Variants in NRG2 observed in about 807,000 individuals in gnomAD.
The protein encoded by NRG2 is neuregulin 2.
A neutral mutation model predicts 73.9 loss-of-function variants in NRG2; 27 were observed. That is an observed-to-expected ratio of 0.37 (90% CI 0.27 to 0.50). NRG2 has a LOEUF of 0.50. Ranked by LOEUF, NRG2 falls within the 20% of genes least tolerant of loss-of-function variation. NRG2 has a pLI of 0.96. For missense variants in NRG2, 1,126 were observed against 1,210.1 expected (o/e 0.93, Z 1.03); for synonymous variants, 532 against 541.0 (o/e 0.98, Z 0.23).
Position 139,848,402 on chromosome 5 carries a change from T to G in NRG2, c.2068A>C (p.Thr690Pro). The change falls in exon 10 of 10, where the codon ACC becomes CCC. Residue 690 changes from threonine to proline, a missense_variant. Thr to Pro is a conservative substitution (Grantham distance 38). Transcript: ENST00000361474. ...PAAGPGPRRGTCALGGSLGSL... is the reference protein window; with the variant it reads ...PAAGPGPRRGPCALGGSLGSL... Reference sequence around the variant, plus strand: ...CCCAGGCTGCCGCCGAGCGCGCAGGTCCCGCGCCGCGGTCCGGGCCCCGCC... The same window carrying G: ...CCCAGGCTGCCGCCGAGCGCGCAGGGCCCGCGCCGCGGTCCGGGCCCCGCC... 1.6e-6 allele frequency: 2 copies of G among 1,265,030 alleles called. No homozygotes were observed. The highest frequency in any genetic ancestry group is 2.0e-6 in the Non-Finnish European group (2 of 1,013,302). 78.4% of individuals were successfully genotyped at this position (1,265,030 alleles called of 1,614,324 possible).
Position 140,014,830 on chromosome 5 carries a change from G to C in NRG2, c.700+27540C>G, listed in dbSNP as rs79522756. ...ACTCCTCTGCTCAAACCCTCCAGCA[G>C]ATCCTTTTTACACTGAAATAAAAGG... On this transcript the variant is annotated intron_variant, in intron 1 of 9. Transcript: ENST00000361474. Among the ~76,000 whole-genome samples, 321 of 152,282 alleles carry C rather than the reference G, an allele frequency of 2.1e-3. 3 individuals carry two copies. Among genetic ancestry groups the C allele is most frequent in the Middle Eastern group, 0.01 (3 of 294 alleles).
At position 140,042,492 on chromosome 5, in the gene NRG2, C is replaced by T; in HGVS notation, c.578G>A (p.Arg193His). The change falls in exon 1 of 10, where the codon CGC becomes CAC. Residue 193 changes from arginine to histidine, a missense_variant. This residue lies in a region of NRG2 where 539 missense variants were observed against 703.2 expected (regional missense o/e 0.77). Coordinates refer to ENST00000361474, the MANE Select transcript of NRG2 (RefSeq NM_004883.3). ...GSCVPLERNQ[R>H]YIFFLEPTEQ... Reference sequence around the variant, plus strand: ...CGTGGGCTCCAGGAAAAAGATGTAGCGCTGGTTCCTTTCGAGCGGCACACA... The same window carrying T: ...CGTGGGCTCCAGGAAAAAGATGTAGTGCTGGTTCCTTTCGAGCGGCACACA... 1.2e-6 allele frequency: 2 copies of T among 1,613,792 alleles called. No homozygotes were observed. The highest frequency in any genetic ancestry group is 1.7e-6 in the Non-Finnish European group (2 of 1,179,928).
At chr5:139,943,007 GT>G (rs1753516746) in intron 1 of NRG2, among the ~76,000 whole-genome samples, 1 of 152,070 alleles carries the variant, frequency 6.6e-6, no homozygotes, top group Non-Finnish European at 1.5e-5. Flanking sequence ...CGCCTGGCTA[GT>G]TTTTGTATTT....
intron 1 of NRG2, among the ~76,000 whole-genome samples, chr5:139,924,757 G>A (rs912952135): frequency 6.6e-6 from 1 of 152,192 alleles, no homozygotes; most frequent in African/African-American, 2.4e-5. Flanking sequence ...TTCCTGGGCT[G>A]ATGGGGCTTG....
At position 139,853,841 on chromosome 5, in the gene NRG2, A is replaced by C. The variant is rs540254558; in HGVS notation, c.1293-814T>G. On this transcript the variant is annotated intron_variant, in intron 6 of 9. Coordinates refer to ENST00000361474, the MANE Select transcript of NRG2 (RefSeq NM_004883.3). The surrounding 1 kb of genome is among the most constrained non-coding windows in gnomAD (Gnocchi z 4.1). ...GTACAAAAACTAGTTAGAAGGAAAA[A>C]GACCTAGTATTCAATAGCATATGGG... Among the ~76,000 whole-genome samples the C allele has an allele frequency of 6.6e-6, 1 of 152,298 alleles. No homozygotes were observed. The highest frequency in any genetic ancestry group is 2.4e-5 in the African/African-American group (1 of 41,542).
At chr5:139,928,152 T>C (rs1752202593) in intron 1 of NRG2, among the ~76,000 whole-genome samples, 1 of 152,174 alleles carries the variant, frequency 6.6e-6, no homozygotes, top group Non-Finnish European at 1.5e-5. Context: ...CCAGGACTCT[T>C]AGAATCAGAG....
intron 1 of NRG2, among the ~76,000 whole-genome samples, chr5:139,984,056 C>A (rs1756997359): frequency 6.6e-6 from 1 of 152,128 alleles, no homozygotes; most frequent in Non-Finnish European, 1.5e-5. Flanking sequence ...CAGGTATTTG[C>A]CATCAGTCTC....
At chr5:139,876,925 CTGTGTG>C (rs3082489) in intron 3 of NRG2, among the ~76,000 whole-genome samples, 2,734 of 141,928 alleles carry the variant, frequency 0.019, 60 homozygotes, top group African/African-American at 0.059. Context: ...GAATGTGCAT[CTGTGTG>C]TGTGTGTGTG....
At chr5:139,858,114 C>T (rs2062401876) in intron 5 of NRG2, among the ~76,000 whole-genome samples, 1 of 152,220 alleles carries the variant, frequency 6.6e-6, no homozygotes, top group Non-Finnish European at 1.5e-5. Context: ...CACTGTGACT[C>T]AAATGCAACC....
At chr5:139,909,272 T>C (rs1392663287) in intron 1 of NRG2, among the ~76,000 whole-genome samples, 1 of 152,212 alleles carries the variant, frequency 6.6e-6, no homozygotes, top group Non-Finnish European at 1.5e-5. Context: ...TTTAGACTTG[T>C]TTGAGTCATG....
intron 1 of NRG2, among the ~76,000 whole-genome samples, chr5:140,011,900 A>AGC (rs1759396247): frequency 6.6e-6 from 1 of 152,220 alleles, no homozygotes; most frequent in South Asian, 2.1e-4. Flanking sequence ...TAATCTATTA[A>AGC]ACATTTCTTA....
intron 1 of NRG2, among the ~76,000 whole-genome samples, chr5:139,974,889 GA>G (rs950794214): frequency 2.6e-4 from 39 of 152,316 alleles, no homozygotes; most frequent in South Asian, 6.2e-4. Context: ...CCCAGAGGGG[GA>G]CAGGCCCACA....
In NRG2 at chr5:139,958,075, C is replaced by T. The variant is rs370276818; in HGVS notation, c.701-70564G>A. ...CCTGGAAGTTTCCTGGGACAAGGAC[C>T]CCAAATATAAGCTTTCACAAGCCCA... On this transcript the variant is annotated intron_variant, in intron 1 of 9. Coordinates refer to ENST00000361474, the MANE Select transcript of NRG2 (RefSeq NM_004883.3). Among the ~76,000 whole-genome samples the T allele has an allele frequency of 7.9e-5, 12 of 152,132 alleles. No individual in the cohort carries two copies. In the East Asian group the frequency reaches 1.9e-3, roughly 25 times the overall value.
At chr5:139,949,464 T>C (rs549608363) in intron 1 of NRG2, among the ~76,000 whole-genome samples, 82 of 152,314 alleles carry the variant, frequency 5.4e-4, no homozygotes, top group African/African-American at 1.9e-3. Context: ...TTTTTTCTTA[T>C]TTCAAAAGTA....
chr5:139,876,904 G>A (rs976900595), intron 3 of NRG2, among the ~76,000 whole-genome samples: 4 of 150,460 alleles, frequency 2.7e-5, no homozygotes, highest in East Asian at 3.9e-4. Context: ...TTCTGAATGC[G>A]TGACTGACAT....
At chr5:139,940,986 A>T (rs551517071) in intron 1 of NRG2, among the ~76,000 whole-genome samples, 27 of 152,292 alleles carry the variant, frequency 1.8e-4, no homozygotes, top group African/African-American at 6.5e-4. Context: ...GACAGTAAGG[A>T]ATTAGCCAAC....
chr5:139,899,835 G>A (rs75066363), intron 1 of NRG2, among the ~76,000 whole-genome samples: 1,867 of 152,308 alleles, frequency 0.012, 20 homozygotes, highest in Non-Finnish European at 0.021. Context: ...AGAGCCAGGT[G>A]GACTGTGCAT....
At chr5:140,026,638 G>GA (rs1760712022) in intron 1 of NRG2, among the ~76,000 whole-genome samples, 1 of 152,132 alleles carries the variant, frequency 6.6e-6, no homozygotes, top group South Asian at 2.1e-4. Context: ...GAAAAGAAAA[G>GA]AAAGAAAGAA....
intron 1 of NRG2, among the ~76,000 whole-genome samples, chr5:140,003,754 T>A (rs1450447834): frequency 1.3e-5 from 2 of 152,150 alleles, no homozygotes; most frequent in Non-Finnish European, 2.9e-5. Flanking sequence ...GAGTAAAAAA[T>A]TCCCTGGATG....
Sources: gnomAD v4.1 joint callset for allele counts (sites outside exome capture counted in the v4.1 genomes callset) on GRCh38, gnomAD v4.1.1 for gene constraint, gnomAD v4.1.1 regional missense constraint, Gnocchi (gnomAD v3.1) non-coding constraint, MANE v1.5 for transcripts, NCBI Gene and HGNC (gene_info 2026-07-23, HGNC 2026-07-21) for gene names.